Variants in LSAMP observed in about 807,000 individuals in gnomAD.
LSAMP encodes limbic system associated membrane protein.
LSAMP carries 7 observed loss-of-function variants against 38.6 expected under a neutral mutation model. The observed-to-expected ratio is 0.18, with a 90% CI of 0.10 to 0.34. The LOEUF (loss-of-function observed/expected upper bound fraction) is 0.34. Among genes scored for constraint, LSAMP ranks in the 10% least tolerant of loss-of-function variants. LSAMP has a pLI of 1.00. For synonymous variants in LSAMP, 154 were observed against 166.8 expected, an observed-to-expected ratio of 0.92 and a Z score of 0.59; for missense variants, 313 against 420.0, an observed-to-expected ratio of 0.75 and a Z score of 2.23.
At chr3:116,301,035 A>G (rs60474793) in intron 1 of LSAMP, among the ~76,000 whole-genome samples, 3,700 of 152,152 alleles carry the variant, frequency 0.024, 158 homozygotes, top group African/African-American at 0.085. Context: ...TTAAAATGAA[A>G]AAAGCTAATA....
intron 6 of LSAMP, among the ~76,000 whole-genome samples, chr3:115,811,115 T>C (rs1933815928): frequency 6.6e-6 from 1 of 151,574 alleles, no homozygotes; most frequent in Non-Finnish European, 1.5e-5. Context: ...CCTAGAGAGG[T>C]TGAGAGGCAG....
chr3:116,379,462 T>C (rs1411419501), intron 1 of LSAMP, among the ~76,000 whole-genome samples: 1 of 151,990 alleles, frequency 6.6e-6, no homozygotes, highest in Non-Finnish European at 1.5e-5. Flanking sequence ...AGATCATGTG[T>C]GGTTTTTGAT....
At chr3:116,193,956 G>A (rs1228670960) in intron 1 of LSAMP, among the ~76,000 whole-genome samples, 1 of 152,082 alleles carries the variant, frequency 6.6e-6, no homozygotes, top group Non-Finnish European at 1.5e-5. Flanking sequence ...TTCTTTAGTT[G>A]TGCACAGTGT....
intron 1 of LSAMP, among the ~76,000 whole-genome samples, chr3:116,263,551 AAAG>A (rs1280243228): frequency 6.6e-6 from 1 of 151,732 alleles, no homozygotes; most frequent in Non-Finnish European, 1.5e-5. Flanking sequence ...AAAAAAAAAA[AAAG>A]ATGAATATTT....
chr3:115,919,075 A>T (rs1359832155), intron 3 of LSAMP, among the ~76,000 whole-genome samples: 3 of 152,162 alleles, frequency 2.0e-5, no homozygotes, highest in Admixed American at 2.0e-4. Context: ...ATGCTTCTCT[A>T]CTTCCTGTAG....
chr3:116,101,146 G>C (rs974072652), intron 1 of LSAMP, among the ~76,000 whole-genome samples: 6 of 152,190 alleles, frequency 3.9e-5, no homozygotes, highest in Admixed American at 3.3e-4. Context: ...ATACATGGGA[G>C]TCTTTTGCCT....
intron 1 of LSAMP, among the ~76,000 whole-genome samples, chr3:116,110,422 G>A (rs1298027120): frequency 6.6e-6 from 1 of 152,188 alleles, no homozygotes; most frequent in African/African-American, 2.4e-5. Flanking sequence ...TAATCAGAGA[G>A]GCTTCCCTGC....
At chr3:116,231,908 C>T (rs2046406009) in intron 1 of LSAMP, among the ~76,000 whole-genome samples, 1 of 152,198 alleles carries the variant, frequency 6.6e-6, no homozygotes, top group African/African-American at 2.4e-5. Flanking sequence ...CTTTATTGCA[C>T]TTTAACAATA....
At chr3:116,420,820 T>C (rs926569487) in intron 1 of LSAMP, among the ~76,000 whole-genome samples, 1 of 152,242 alleles carries the variant, frequency 6.6e-6, no homozygotes, top group African/African-American at 2.4e-5. Context: ...GAGGTCACAG[T>C]GAGTGGAGCT....
intron 1 of LSAMP, among the ~76,000 whole-genome samples, chr3:116,225,125 T>C (rs1219858743): frequency 6.7e-6 from 1 of 150,072 alleles, no homozygotes; most frequent in East Asian, 2.0e-4. Context: ...CCACAAAAGA[T>C]ATGTGCAAGT....
intron 4 of LSAMP, among the ~76,000 whole-genome samples, chr3:115,844,952 G>A (rs944146743): frequency 1.3e-5 from 2 of 152,148 alleles, no homozygotes; most frequent in African/African-American, 4.8e-5. Context: ...ACTCCAGCCT[G>A]GGCAACACAG....
intron 1 of LSAMP, among the ~76,000 whole-genome samples, chr3:116,225,023 C>G (rs1388719873): frequency 6.6e-6 from 1 of 152,100 alleles, no homozygotes; most frequent in African/African-American, 2.4e-5. Flanking sequence ...AGGAATTTGA[C>G]AAGAATGTCA....
Position 115,804,652 on chromosome 3 carries a change from T to G in LSAMP, c.*5665A>C, listed in dbSNP as rs1182547135. 1 of 152,190 alleles carries G rather than the reference T, an allele frequency of 6.6e-6. No individual in the cohort carries two copies. Among genetic ancestry groups the G allele is most frequent in the Non-Finnish European group, 1.5e-5 (1 of 68,028 alleles). The allele number at this position is 152,190 out of a possible 1,614,324, so 9.4% of individuals were successfully genotyped here. A position where few individuals can be genotyped will look rare whatever the true frequency, so the allele number is the denominator to read the frequency against. The stretch of plus-strand genomic sequence containing the variant: ...CTGAAGTTAATTTGACCTAAAATTT[T>G]TATAAGTCTTTGCAGAAAGTTCACT... On this transcript the variant is annotated 3_prime_UTR_variant, in exon 7 of 7. Transcript: ENST00000490035.
At chr3:116,097,536 T>C (rs1022774045) in intron 1 of LSAMP, among the ~76,000 whole-genome samples, 2 of 152,190 alleles carry the variant, frequency 1.3e-5, no homozygotes, top group African/African-American at 4.8e-5. Context: ...GACATGACAA[T>C]TAATAGATAC....
intron 2 of LSAMP, among the ~76,000 whole-genome samples, chr3:116,080,424 T>A (rs1317300593): frequency 3.3e-5 from 5 of 152,216 alleles, no homozygotes; most frequent in Admixed American, 3.3e-4. Flanking sequence ...TATGTGGATG[T>A]ATATAGGTTA....
intron 1 of LSAMP, among the ~76,000 whole-genome samples, chr3:116,304,295 C>T (rs12695325): frequency 0.026 from 3,956 of 151,992 alleles, 67 homozygotes; most frequent in Non-Finnish European, 0.037. Flanking sequence ...TATAGAGAGG[C>T]GGAAATATGT....
intron 3 of LSAMP, among the ~76,000 whole-genome samples, chr3:115,911,195 A>G (rs952537736): frequency 3.9e-5 from 6 of 152,232 alleles, no homozygotes; most frequent in African/African-American, 7.2e-5. Flanking sequence ...AGCTCAATAA[A>G]TGACAGCTAT....
intron 1 of LSAMP, among the ~76,000 whole-genome samples, chr3:116,201,987 C>A (rs1364029092): frequency 6.6e-6 from 1 of 152,100 alleles, no homozygotes; most frequent in Non-Finnish European, 1.5e-5. Context: ...TTGACAAGTT[C>A]ATAAACTCCC....
chr3:116,050,635 G>A (rs556701815), intron 2 of LSAMP, among the ~76,000 whole-genome samples: 3 of 152,208 alleles, frequency 2.0e-5, no homozygotes, highest in Non-Finnish European at 4.4e-5. Flanking sequence ...GATACTGGCC[G>A]TTATGCTGTG....
Sources: gnomAD v4.1 joint callset for allele counts (sites outside exome capture counted in the v4.1 genomes callset) on GRCh38, gnomAD v4.1.1 for gene constraint, MANE v1.5 for transcripts, NCBI Gene and HGNC (gene_info 2026-07-23, HGNC 2026-07-21) for gene names.